The following PLPP1 variants were observed in gnomAD, a reference collection of about 807,000 sequenced individuals.
PLPP1 encodes lipid phosphate phosphohydrolase 1a.
In PLPP1, 24 loss-of-function variants were observed where a neutral mutation model predicts 31.2. That is an observed-to-expected ratio of 0.77 (90% CI 0.56 to 1.08). PLPP1 has a LOEUF of 1.08. Ranked by LOEUF, PLPP1 falls within the 50% of genes least tolerant of loss-of-function variation. The probability of loss-of-function intolerance (pLI) is 0.00; values close to 1 mark genes in which losing one functional copy is unlikely to be tolerated. For synonymous variants in PLPP1, 146 were observed against 126.3 expected, an observed-to-expected ratio of 1.16 and a Z score of -1.05; for missense variants, 319 against 342.7, an observed-to-expected ratio of 0.93 and a Z score of 0.55.
intron 4 of PLPP1, among the ~76,000 whole-genome samples, chr5:55,437,842 T>C (rs1023395851): frequency 3.9e-5 from 6 of 152,218 alleles, no homozygotes; most frequent in African/African-American, 1.4e-4. Flanking sequence ...ATTTGCCCAA[T>C]GTTCAGCAAT....
chr5:55,512,981 A>C (rs995098484), intron 1 of PLPP1, among the ~76,000 whole-genome samples: 1 of 152,218 alleles, frequency 6.6e-6, no homozygotes, highest in Non-Finnish European at 1.5e-5. Flanking sequence ...GAGTTTATTA[A>C]GTCTTTAAAG....
chr5:55,504,954 G>C (rs1753240345), intron 1 of PLPP1, among the ~76,000 whole-genome samples: 1 of 151,752 alleles, frequency 6.6e-6, no homozygotes, highest in Non-Finnish European at 1.5e-5. Flanking sequence ...TGAACTATAG[G>C]TGCACATCAC....
At position 55,534,456 on chromosome 5, in the gene PLPP1, C is replaced by T. The variant is rs556927723; in HGVS notation, c.58+116G>A. On this transcript the variant is annotated intron_variant, in intron 1 of 5. Transcript: ENST00000307259. ...GGCTGCAGAAGCCGCCCCCGTGTGT[C>T]GCCCCACAGCTGCGCACGCGTCAGG... 1.4e-5 allele frequency: 15 copies of T among 1,093,624 alleles called. No homozygotes were observed. The Admixed American group carries it at 2.6e-4, about 19-fold the overall frequency. 67.7% of individuals were successfully genotyped at this position (1,093,624 alleles called of 1,614,324 possible).
intron 1 of PLPP1, among the ~76,000 whole-genome samples, chr5:55,485,458 T>C (rs1233982028): frequency 2.0e-5 from 3 of 152,072 alleles, no homozygotes; most frequent in Admixed American, 6.5e-5. Flanking sequence ...TCTCAAAACA[T>C]AGTTATTTTG....
At chr5:55,533,485 T>C (rs1221674794) in intron 1 of PLPP1, among the ~76,000 whole-genome samples, 3 of 152,018 alleles carry the variant, frequency 2.0e-5, no homozygotes, top group Admixed American at 1.3e-4. Flanking sequence ...AGGGCCTAAA[T>C]GACCCGGTTG....
intron 1 of PLPP1, among the ~76,000 whole-genome samples, chr5:55,493,686 G>A (rs1579962711): frequency 6.6e-6 from 1 of 152,052 alleles, no homozygotes; most frequent in Admixed American, 6.5e-5. Flanking sequence ...AGGAGATCAA[G>A]ACCATCCTGG....
intron 1 of PLPP1, among the ~76,000 whole-genome samples, chr5:55,528,603 A>T (rs2111956272): frequency 6.6e-6 from 1 of 152,370 alleles, no homozygotes; most frequent in African/African-American, 2.4e-5. Flanking sequence ...GACCCTTAGC[A>T]ATTAAACACT....
chr5:55,452,093 G>A lies in PLPP1; in HGVS notation c.492-10185C>T, dbSNP rs142459166. Among the ~76,000 whole-genome samples, 6 of 152,192 alleles carry A rather than the reference G, an allele frequency of 3.9e-5. No individual in the cohort carries two copies. The East Asian group carries it at 1.2e-3, about 29-fold the overall frequency. On this transcript the variant is annotated intron_variant, in intron 3 of 5. Coordinates refer to ENST00000307259, the MANE Select transcript of PLPP1 (RefSeq NM_003711.4). ...CAAAGAGTAAACACACTCTTCCTAA[G>A]CCCCAACAGCTCCAGAACCATCACT...
At chr5:55,426,529 G>A (rs1034128535) in intron 4 of PLPP1, among the ~76,000 whole-genome samples, 2 of 151,858 alleles carry the variant, frequency 1.3e-5, no homozygotes, top group Non-Finnish European at 2.9e-5. Context: ...AGTTTCCCAA[G>A]TAGCTGGGAC....
intron 1 of PLPP1, among the ~76,000 whole-genome samples, chr5:55,514,137 G>A (rs966794611): frequency 1.3e-5 from 2 of 152,160 alleles, no homozygotes; most frequent in African/African-American, 4.8e-5. Flanking sequence ...CCAGCACTTT[G>A]GTAGGCCAAG....
chr5:55,484,456 A>G (rs2111834438), intron 1 of PLPP1: 1 of 152,294 alleles, frequency 6.6e-6, no homozygotes, highest in East Asian at 1.9e-4. Flanking sequence ...GAAAGTTTCC[A>G]ACTCCTAAGT....
At chr5:55,507,746 A>G (rs1232761792) in intron 1 of PLPP1, among the ~76,000 whole-genome samples, 1 of 152,212 alleles carries the variant, frequency 6.6e-6, no homozygotes, top group African/African-American at 2.4e-5. Flanking sequence ...ACCTGGTCTT[A>G]GTGAATCCAG....
intron 4 of PLPP1, among the ~76,000 whole-genome samples, chr5:55,436,587 A>G (rs992780365): frequency 2.0e-5 from 3 of 152,094 alleles, no homozygotes; most frequent in Non-Finnish European, 4.4e-5. Context: ...TAATAAACCA[A>G]CACTCCAAAA....
At chr5:55,472,690 CAGAAAG>C (rs1752442924) in intron 2 of PLPP1, among the ~76,000 whole-genome samples, 1 of 140,608 alleles carries the variant, frequency 7.1e-6, no homozygotes, top group African/African-American at 2.7e-5. Context: ...GAGATAAAGA[CAGAAAG>C]AGAGAGAAAA....
intron 1 of PLPP1, among the ~76,000 whole-genome samples, chr5:55,505,006 T>A (rs59002153): frequency 6.6e-6 from 1 of 152,024 alleles, no homozygotes; most frequent in South Asian, 2.1e-4. Context: ...AGACAGGATT[T>A]TGCCATGTTG....
At chr5:55,505,692 C>G (rs1753259195) in intron 1 of PLPP1, among the ~76,000 whole-genome samples, 2 of 152,176 alleles carry the variant, frequency 1.3e-5, no homozygotes, top group African/African-American at 4.8e-5. Context: ...GAAAATACCA[C>G]AAGTCGAAAC....
At chr5:55,512,888 T>C (rs1237618932) in intron 1 of PLPP1, among the ~76,000 whole-genome samples, 1 of 152,212 alleles carries the variant, frequency 6.6e-6, no homozygotes, top group African/African-American at 2.4e-5. Context: ...CTTCAAACGC[T>C]TGTCAAAAAC....
intron 1 of PLPP1, among the ~76,000 whole-genome samples, chr5:55,476,236 T>C (rs1315345400): frequency 1.3e-5 from 2 of 151,890 alleles, no homozygotes; most frequent in African/African-American, 4.8e-5. Context: ...AGGCTGATCT[T>C]GAACTCCTGA....
intron 3 of PLPP1, among the ~76,000 whole-genome samples, chr5:55,444,782 G>A (rs1315892296): frequency 1.8e-4 from 4 of 22,082 alleles, no homozygotes; most frequent in East Asian, 6.8e-4. Context: ...ATGGAGTCTC[G>A]CTCTGTTACC....
Sources: gnomAD v4.1 joint callset for allele counts (sites outside exome capture counted in the v4.1 genomes callset) on GRCh38, gnomAD v4.1.1 for gene constraint, MANE v1.5 for transcripts, NCBI Gene and HGNC (gene_info 2026-07-23, HGNC 2026-07-21) for gene names.